CPA6: variants seen among roughly 807,000 people sequenced by gnomAD.
CPA6 encodes the protein carboxypeptidase B.
Under a neutral mutation model 63.3 loss-of-function variants are expected in CPA6, and 58 were observed. The ratio of observed to expected loss-of-function variants is 0.92; its 90% CI spans 0.74 to 1.14. CPA6 has a LOEUF of 1.14. Among genes scored for constraint, CPA6 ranks in the 50% most tolerant of loss-of-function variants. The pLI is 0.00. For synonymous variants in CPA6, 185 were observed against 179.0 expected, an observed-to-expected ratio of 1.03 and a Z score of -0.27; for missense variants, 565 against 526.6, an observed-to-expected ratio of 1.07 and a Z score of -0.71.
chr8:67,533,106 T>A (rs1436128743), intron 2 of CPA6, among the ~76,000 whole-genome samples: 2 of 152,158 alleles, frequency 1.3e-5, no homozygotes, highest in Admixed American at 1.3e-4. Flanking sequence ...TTGTTTCTAG[T>A]TTAACTGGAA....
intron 1 of CPA6, among the ~76,000 whole-genome samples, chr8:67,711,510 GCACTAGCCCTC>G (rs1412913473): frequency 6.6e-6 from 1 of 152,184 alleles, no homozygotes; most frequent in Non-Finnish European, 1.5e-5. Flanking sequence ...TGTGGAGTGG[GCACTAGCCCTC>G]CTCTTGTCTA....
At chr8:67,545,782 T>C (rs1240549734) in intron 2 of CPA6, among the ~76,000 whole-genome samples, 1 of 152,050 alleles carries the variant, frequency 6.6e-6, no homozygotes, top group African/African-American at 2.4e-5. Context: ...AGTCTGGTCT[T>C]GAATTCCTGA....
chr8:67,538,491 G>T (rs1217340990), intron 2 of CPA6, among the ~76,000 whole-genome samples: 2 of 146,596 alleles, frequency 1.4e-5, no homozygotes, highest in African/African-American at 5.0e-5. Flanking sequence ...TGTTTTATCA[G>T]AGACTAGGAT....
chr8:67,576,772 C>A (rs1268686653), intron 2 of CPA6, among the ~76,000 whole-genome samples: 7 of 152,116 alleles, frequency 4.6e-5, no homozygotes, highest in African/African-American at 1.4e-4. Context: ...TACAATGTTT[C>A]CCCCAACATA....
intron 2 of CPA6, among the ~76,000 whole-genome samples, chr8:67,540,590 C>T (rs1169835437): frequency 1.3e-5 from 2 of 152,238 alleles, no homozygotes; most frequent in African/African-American, 4.8e-5. Flanking sequence ...TTTAAGTCTC[C>T]TCAAGCTGTG....
At chr8:67,619,990 T>C (rs1023235808) in intron 2 of CPA6, among the ~76,000 whole-genome samples, 1 of 152,222 alleles carries the variant, frequency 6.6e-6, no homozygotes, top group Non-Finnish European at 1.5e-5. Flanking sequence ...CAATCAAACC[T>C]AGTGGTCCTA....
chr8:67,719,646 C>A (rs1299503095), intron 1 of CPA6, among the ~76,000 whole-genome samples: 1 of 151,926 alleles, frequency 6.6e-6, no homozygotes, highest in Non-Finnish European at 1.5e-5. Flanking sequence ...AAACTGGAAG[C>A]AGAGAGGCAA....
intron 2 of CPA6, among the ~76,000 whole-genome samples, chr8:67,612,431 T>C (rs1471538875): frequency 6.6e-6 from 1 of 152,164 alleles, no homozygotes; most frequent in East Asian, 1.9e-4. Flanking sequence ...AAGATCACAA[T>C]CTCTGTACTG....
At chr8:67,623,327 A>C (rs7012026) in intron 2 of CPA6, among the ~76,000 whole-genome samples, 42,079 of 152,096 alleles carry the variant, frequency 0.28, 5,988 homozygotes, top group African/African-American at 0.34. Context: ...GCAATGAACA[A>C]AAAATAGATA....
chr8:67,662,441 T>TATATGTATATATAGAATACATACACACGA (rs1563382300), intron 1 of CPA6, among the ~76,000 whole-genome samples: 3 of 146,088 alleles, frequency 2.1e-5, no homozygotes, highest in African/African-American at 7.7e-5. Context: ...CATACACACG[T>TATATGTATATATAGAATACATACACACGA]ATATGTATAT....
chr8:67,585,468 T>C (rs1813902984), intron 2 of CPA6, among the ~76,000 whole-genome samples: 1 of 152,110 alleles, frequency 6.6e-6, no homozygotes, highest in South Asian at 2.1e-4. Context: ...CCTTTAAAAG[T>C]TGAGAAAGCC....
intron 1 of CPA6, among the ~76,000 whole-genome samples, chr8:67,631,410 T>C (rs2128988153): frequency 6.6e-6 from 1 of 152,344 alleles, no homozygotes; most frequent in African/African-American, 2.4e-5. Context: ...ATCAGCACTG[T>C]GTCTAGCTCA....
chr8:67,631,077 G>A (rs1332614799), intron 1 of CPA6, among the ~76,000 whole-genome samples: 2 of 152,204 alleles, frequency 1.3e-5, no homozygotes, highest in African/African-American at 4.8e-5. Context: ...TGGTCCCATC[G>A]ACCACCCAAG....
At chr8:67,710,647 G>A (rs1048686634) in intron 1 of CPA6, among the ~76,000 whole-genome samples, 9 of 151,616 alleles carry the variant, frequency 5.9e-5, no homozygotes, top group Non-Finnish European at 1.2e-4. Flanking sequence ...AAGGGAGGGG[G>A]TATAATGAAG....
At chr8:67,505,851 ATAAAACACAG>A (rs1811915794) in intron 6 of CPA6, among the ~76,000 whole-genome samples, 2 of 152,182 alleles carry the variant, frequency 1.3e-5, no homozygotes, top group African/African-American at 4.8e-5. Flanking sequence ...TAATTTCCCC[ATAAAACACAG>A]TAAAATATAA....
At position 67,632,726 on chromosome 8, in the gene CPA6, G is replaced by T. The variant is rs1478933138; in HGVS notation, c.117-8475C>A. 2.0e-5 allele frequency among the ~76,000 whole-genome samples: 3 copies of T among 152,106 alleles called. No homozygotes were observed. In the East Asian group the frequency reaches 5.8e-4, roughly 29 times the overall value. On this transcript the variant is annotated intron_variant, in intron 1 of 10. Coordinates refer to ENST00000297770, the MANE Select transcript of CPA6 (RefSeq NM_020361.5). ...TGAAGAATGTTAAAAAATATATGAA[G>T]CAGTGAGATGTATTTTGGGTGGGAA... is the stretch of plus-strand genomic sequence containing the variant.
At chr8:67,661,183 G>C (rs1223752026) in intron 1 of CPA6, among the ~76,000 whole-genome samples, 1 of 152,212 alleles carries the variant, frequency 6.6e-6, no homozygotes, top group Non-Finnish European at 1.5e-5. Flanking sequence ...GGCGGTCAAG[G>C]AAGGTGTAAT....
chr8:67,503,518 G>C (rs1811870711), intron 6 of CPA6, among the ~76,000 whole-genome samples: 4 of 148,026 alleles, frequency 2.7e-5, no homozygotes, highest in African/African-American at 1.0e-4. Flanking sequence ...ATGTTGCCCA[G>C]GCTGATCTCG....
At chr8:67,480,540 A>G (rs918204918) in intron 8 of CPA6, among the ~76,000 whole-genome samples, 1 of 152,272 alleles carries the variant, frequency 6.6e-6, no homozygotes, top group South Asian at 2.1e-4. Flanking sequence ...CATTCTATAA[A>G]TATACCACAT....
Sources: allele counts gnomAD v4.1 joint callset (sites outside exome capture counted in the v4.1 genomes callset), GRCh38; gene constraint gnomAD v4.1.1; transcripts MANE v1.5; gene names NCBI Gene and HGNC (gene_info 2026-07-23, HGNC 2026-07-21).